The following ATG4C variants were observed in gnomAD, a reference collection of about 807,000 sequenced individuals.
ATG4C encodes autophagy related 4C cysteine peptidase.
ATG4C carries 56 observed loss-of-function variants against 57.6 expected under a neutral mutation model. The observed-to-expected ratio is 0.97, with a 90% CI of 0.78 to 1.21. The LOEUF (loss-of-function observed/expected upper bound fraction) is 1.21. ATG4C is among the 50% of genes most tolerant of loss of function. The pLI, the probability that ATG4C is intolerant of heterozygous loss-of-function variation, is 0.00. For missense variants in ATG4C, 595 were observed against 529.8 expected (o/e 1.12, Z -1.21); for synonymous variants, 157 against 174.1 (o/e 0.90, Z 0.78).
At chr1:62,841,638 T>C (rs1173957323) in intron 10 of ATG4C, 91 bp downstream of exon 10, 1 of 1,080,218 alleles carries the variant, frequency 9.3e-7, no homozygotes, top group Non-Finnish European at 1.3e-6. Context: ...TTATAATTTT[T>C]TATAAAATTT....
chr1:62,862,772 C>T (rs1666894593), intron 10 of ATG4C, among the ~76,000 whole-genome samples: 1 of 151,778 alleles, frequency 6.6e-6, no homozygotes, highest in African/African-American at 2.4e-5. Flanking sequence ...ATATCATATG[C>T]TAGGCCTACC....
intron 10 of ATG4C, among the ~76,000 whole-genome samples, chr1:62,854,645 GTTTATA>G (rs1156804932): frequency 2.0e-5 from 3 of 152,028 alleles, no homozygotes; most frequent in Non-Finnish European, 2.9e-5. Context: ...CCTTCTCTCT[GTTTATA>G]TTTAATAGTA....
At chr1:62,802,265 A>G (rs1426982445) in intron 1 of ATG4C, among the ~76,000 whole-genome samples, 1 of 152,064 alleles carries the variant, frequency 6.6e-6, no homozygotes, top group East Asian at 1.9e-4. Context: ...TCACTGCTCC[A>G]GTCCAAGCTA....
At chr1:62,851,511 G>T (rs2100357966) in intron 10 of ATG4C, among the ~76,000 whole-genome samples, 1 of 152,238 alleles carries the variant, frequency 6.6e-6, no homozygotes, top group South Asian at 2.1e-4. Context: ...AACTTTAAGT[G>T]AAATGATATA....
At chr1:62,856,809 C>T (rs1434888734) in intron 10 of ATG4C, among the ~76,000 whole-genome samples, 1 of 152,064 alleles carries the variant, frequency 6.6e-6, no homozygotes. Flanking sequence ...ATAGAAACAT[C>T]CTGAGCAGAA....
At chr1:62,795,229 T>C (rs1572094874) in intron 1 of ATG4C, among the ~76,000 whole-genome samples, 1 of 152,234 alleles carries the variant, frequency 6.6e-6, no homozygotes, top group African/African-American at 2.4e-5. Context: ...AGTCTACTTA[T>C]TGCTAGATGG....
Position 62,825,370 on chromosome 1 carries a change from G to T in ATG4C, c.797-3670G>T, listed in dbSNP as rs79820560. 4.7e-3 allele frequency among the ~76,000 whole-genome samples: 710 copies of T among 151,996 alleles called. 5 individuals are homozygous for T. Among genetic ancestry groups the T allele is most frequent in the African/African-American group, 0.016 (683 of 41,440 alleles). ...CAATCTATCAGTAGCATTTGACACC[G>T]TTGACTCTTTCCTCTTCCTCCTTAC... On this transcript the variant is annotated intron_variant, in intron 6 of 10. Coordinates refer to ENST00000317868, the MANE Select transcript of ATG4C (RefSeq NM_032852.4).
chr1:62,854,865 A>C (rs1666635741), intron 10 of ATG4C, among the ~76,000 whole-genome samples: 1 of 152,098 alleles, frequency 6.6e-6, no homozygotes, highest in South Asian at 2.1e-4. Flanking sequence ...TGGAATGAAT[A>C]TATGTTGTCT....
At chr1:62,807,084 A>G (rs902932293) in intron 3 of ATG4C, among the ~76,000 whole-genome samples, 3 of 152,246 alleles carry the variant, frequency 2.0e-5, no homozygotes, top group African/African-American at 2.4e-5. Context: ...TGTTGAAAAC[A>G]TGCTGGCTAG....
chr1:62,849,151 T>C (rs377482120), intron 10 of ATG4C, among the ~76,000 whole-genome samples: 2 of 152,342 alleles, frequency 1.3e-5, no homozygotes, highest in South Asian at 2.1e-4. Flanking sequence ...GTTAAAGTGA[T>C]GTCTGCCGCC....
chr1:62,849,016 G>A (rs961857726), intron 10 of ATG4C, among the ~76,000 whole-genome samples: 4 of 151,926 alleles, frequency 2.6e-5, no homozygotes, highest in Admixed American at 6.6e-5. Context: ...TTAATTTCAG[G>A]TTATACATCT....
rs566237365 is a variant in ATG4C at position 62,798,233 on chromosome 1, A to G, written c.-68-5486A>G. Among the ~76,000 whole-genome samples, 19 of 152,242 alleles carry G rather than the reference A, an allele frequency of 1.2e-4. No homozygotes were observed. In the South Asian group the frequency reaches 1.4e-3, roughly 12 times the overall value. On this transcript the variant is annotated intron_variant, in intron 1 of 10. Transcript: ENST00000317868. ...TATTTAAATATTTGATTCATCTAGA[A>G]TTCATCATTTATTGAGGTAGTCATC...
At chr1:62,862,947 A>G (rs1181468171) in intron 10 of ATG4C, among the ~76,000 whole-genome samples, 1 of 152,042 alleles carries the variant, frequency 6.6e-6, no homozygotes, top group Non-Finnish European at 1.5e-5. Flanking sequence ...TAAATACTGT[A>G]TTCTTTTTAG....
intron 5 of ATG4C, among the ~76,000 whole-genome samples, chr1:62,819,920 A>G: frequency 6.6e-6 from 1 of 152,032 alleles, no homozygotes; most frequent in East Asian, 1.9e-4. Flanking sequence ...TTTGATACCA[A>G]GTTTTTAAAA....
In ATG4C at chr1:62,819,193, G is replaced by A; in HGVS notation, c.583G>A (p.Val195Ile). Residue 195 changes from valine (V) to isoleucine (I), a missense_variant, in exon 5 of 11, where the codon GTT (valine) becomes ATT (isoleucine). Coordinates refer to ENST00000317868, the MANE Select transcript of ATG4C (RefSeq NM_032852.4). Reference protein sequence around the residue: ...YSDDHEMRNEVYHRKIISWFG... With the variant: ...YSDDHEMRNEIYHRKIISWFG... ...TGATGATCATGAAATGCGAAATGAA[G>A]TTTATCATAGGAAAATCATCTCTTG... 2 of 1,613,582 alleles carry A rather than the reference G, an allele frequency of 1.2e-6. No homozygotes were observed. Among genetic ancestry groups the A allele is most frequent in the South Asian group, 2.2e-5 (2 of 91,032 alleles).
chr1:62,789,621 G>A (rs935234393), intron 1 of ATG4C, among the ~76,000 whole-genome samples: 2 of 152,006 alleles, frequency 1.3e-5, no homozygotes, highest in Admixed American at 1.3e-4. Context: ...GGACCATCCT[G>A]GCTAACACGG....
At chr1:62,792,188 G>A (rs187757035) in intron 1 of ATG4C, among the ~76,000 whole-genome samples, 1 of 151,796 alleles carries the variant, frequency 6.6e-6, no homozygotes. Flanking sequence ...GTAGAGACAG[G>A]GTTTCACCAA....
intron 7 of ATG4C, 66 bp from the exon 8 acceptor site, chr1:62,833,972 A>C: frequency 7.3e-7 from 1 of 1,378,386 alleles, no homozygotes; most frequent in Non-Finnish European, 1.0e-6. Context: ...TAGTAATAGA[A>C]ATTTGTTTGC....
At chr1:62,842,301 A>T (rs1297831339) in intron 10 of ATG4C, among the ~76,000 whole-genome samples, 6 of 139,536 alleles carry the variant, frequency 4.3e-5, no homozygotes, top group Non-Finnish European at 7.7e-5. Flanking sequence ...ATTTTTGGGA[A>T]TTTTTTTTTT....
Sources: gnomAD v4.1 joint callset for allele counts (sites outside exome capture counted in the v4.1 genomes callset) on GRCh38, gnomAD v4.1.1 for gene constraint, MANE v1.5 for transcripts, NCBI Gene and HGNC (gene_info 2026-07-23, HGNC 2026-07-21) for gene names.